EIF4G3: variants seen among roughly 807,000 people sequenced by gnomAD.
EIF4G3 encodes eIF-4-gamma 3.
In EIF4G3, 34 loss-of-function variants were observed where a neutral mutation model predicts 186.4. That is an observed-to-expected ratio of 0.18 (90% CI 0.14 to 0.24). The LOEUF (loss-of-function observed/expected upper bound fraction) is 0.24. Among genes scored for constraint, EIF4G3 ranks in the 10% least tolerant of loss-of-function variants. The probability of loss-of-function intolerance (pLI) is 1.00; values close to 1 mark genes in which losing one functional copy is unlikely to be tolerated. For synonymous variants in EIF4G3, 673 were observed against 679.5 expected (o/e 0.99, Z 0.15); for missense variants, 1,536 against 1,948.5 (o/e 0.79, Z 3.99).
intron 4 of EIF4G3, among the ~76,000 whole-genome samples, chr1:21,007,642 G>C (rs2085652428): frequency 6.7e-6 from 1 of 149,942 alleles, no homozygotes; most frequent in Admixed American, 6.7e-5. Context: ...TCTTTAGAAT[G>C]AATCAAGTCA....
chr1:20,875,548 G>T (rs1355707468), intron 20 of EIF4G3, among the ~76,000 whole-genome samples: 3 of 152,130 alleles, frequency 2.0e-5, no homozygotes, highest in South Asian at 2.1e-4. Context: ...AACAAATGAA[G>T]AATTTCAACC....
chr1:20,839,148 T>G (rs2067659120), intron 30 of EIF4G3, among the ~76,000 whole-genome samples: 1 of 152,158 alleles, frequency 6.6e-6, no homozygotes, highest in African/African-American at 2.4e-5. Context: ...CGGCTAATTT[T>G]TTGTATTTTT....
At chr1:20,976,614 A>G (rs2076914982) in intron 10 of EIF4G3, among the ~76,000 whole-genome samples, 1 of 152,248 alleles carries the variant, frequency 6.6e-6, no homozygotes, top group African/African-American at 2.4e-5. Flanking sequence ...ACCTCAGCAC[A>G]ATATCTAACA....
chr1:20,975,394 A>C lies in EIF4G3; in HGVS notation c.494-2295T>G, dbSNP rs72652988. On this transcript the variant is annotated intron_variant, in intron 10 of 36. Transcript: ENST00000602326. Reference sequence around the variant, plus strand: ...TTAAAAAAAACAAAAAACAAAAAAAAAAAAAACCTGGATTCTTCTCATGAA... The same window carrying C: ...TTAAAAAAAACAAAAAACAAAAAAACAAAAAACCTGGATTCTTCTCATGAA... 7.0e-3 allele frequency among the ~76,000 whole-genome samples: 1,056 copies of C among 151,910 alleles called. 4 individuals are homozygous for C. Among genetic ancestry groups the C allele is most frequent in the Middle Eastern group, 0.017 (5 of 294 alleles).
Position 20,849,548 on chromosome 1 carries a change from CA to C in EIF4G3, c.3773-19del, listed in dbSNP as rs36081795. 28 of 1,273,308 alleles carry C rather than the reference CA, an allele frequency of 2.2e-5. No homozygotes were observed. The highest frequency in any genetic ancestry group is 5.1e-5 in the East Asian group (2 of 39,218). The allele number at this position is 1,273,308 out of a possible 1,614,324, so 78.9% of individuals were successfully genotyped here. On this transcript the variant is annotated intron_variant, in intron 28 of 36. Transcript: ENST00000602326. ...TGGTTTTGCTATTAGTGAGGCCCCCCAAAAAAAGTAAAAATAATAAAAATTA... is the reference window on the plus strand; with the variant it reads ...TGGTTTTGCTATTAGTGAGGCCCCCCAAAAAAGTAAAAATAATAAAAATTA...
chr1:20,918,660 T>C (rs1161721534), intron 14 of EIF4G3, among the ~76,000 whole-genome samples: 2 of 152,030 alleles, frequency 1.3e-5, no homozygotes, highest in African/African-American at 4.8e-5. Context: ...TTTTTGCTAT[T>C]TTTCTTACCA....
chr1:20,851,116 G>A (rs777949315), intron 28 of EIF4G3, 142 bp downstream of exon 28: 8 of 710,614 alleles, frequency 1.1e-5, no homozygotes, highest in African/African-American at 1.8e-5. Flanking sequence ...ATAAAACTAT[G>A]AAGTACCCTT....
intron 12 of EIF4G3, 135 bp downstream of exon 12, chr1:20,969,339 A>G (rs1329033707): frequency 1.0e-6 from 1 of 1,001,640 alleles, no homozygotes; most frequent in African/African-American, 1.6e-5. Context: ...GTCTGTTTAA[A>G]TACCATTTAG....
intron 20 of EIF4G3, among the ~76,000 whole-genome samples, chr1:20,867,089 C>A (rs2077722334): frequency 6.6e-6 from 1 of 152,152 alleles, no homozygotes; most frequent in South Asian, 2.1e-4. Flanking sequence ...GGTTAAGTAT[C>A]AAAAGTTTTG....
At chr1:20,867,325 T>C (rs79206705) in intron 20 of EIF4G3, among the ~76,000 whole-genome samples, 22 of 152,312 alleles carry the variant, frequency 1.4e-4, no homozygotes, top group African/African-American at 5.1e-4. Flanking sequence ...TAATCTACTA[T>C]GTAAATTTGA....
At chr1:20,906,614 C>T (rs1377691829) in intron 14 of EIF4G3, among the ~76,000 whole-genome samples, 1 of 151,800 alleles carries the variant, frequency 6.6e-6, no homozygotes, top group Non-Finnish European at 1.5e-5. Flanking sequence ...AAACATGAAA[C>T]AAAATATTTC....
intron 14 of EIF4G3, among the ~76,000 whole-genome samples, chr1:20,936,472 C>A (rs2095520130): frequency 6.6e-6 from 1 of 152,104 alleles, no homozygotes; most frequent in African/African-American, 2.4e-5. Context: ...TATAAGGATG[C>A]ATAGTAGTAT....
intron 3 of EIF4G3, among the ~76,000 whole-genome samples, chr1:21,068,431 A>G (rs1189523214): frequency 1.3e-5 from 2 of 151,092 alleles, no homozygotes; most frequent in African/African-American, 2.4e-5. Context: ...TGTAGATTCA[A>G]AACAGACCTG....
intron 18 of EIF4G3, 117 bp from the exon 19 acceptor site, chr1:20,886,488 AG>A: frequency 7.6e-6 from 7 of 920,674 alleles, no homozygotes; most frequent in Non-Finnish European, 1.1e-5. Flanking sequence ...ATTGGGTACT[AG>A]GTACTCAAAC....
chr1:20,819,519 A>C (rs1372160113), intron 33 of EIF4G3, among the ~76,000 whole-genome samples: 1 of 151,914 alleles, frequency 6.6e-6, no homozygotes, highest in Non-Finnish European at 1.5e-5. Flanking sequence ...GTGCAATGGC[A>C]CTATCATGGC....
chr1:21,007,923 T>C (rs1391915704), intron 4 of EIF4G3, among the ~76,000 whole-genome samples: 1 of 152,208 alleles, frequency 6.6e-6, no homozygotes, highest in Non-Finnish European at 1.5e-5. Context: ...CAATGTTCAG[T>C]AGGATTATTT....
chr1:20,925,066 A>T (rs1231295838), intron 14 of EIF4G3, among the ~76,000 whole-genome samples: 4 of 152,206 alleles, frequency 2.6e-5, no homozygotes, highest in African/African-American at 7.2e-5. Flanking sequence ...AGTATTTCCT[A>T]CTTATCCTCA....
chr1:20,893,396 C>A (rs1292665532), intron 18 of EIF4G3, 121 bp downstream of exon 18: 2 of 1,099,256 alleles, frequency 1.8e-6, no homozygotes, highest in Non-Finnish European at 2.5e-6. Context: ...ATAGTCTTTG[C>A]CTCTTCTTCT....
chr1:20,973,197 G>T, intron 10 of EIF4G3, 98 bp from the exon 11 acceptor site: 1 of 854,332 alleles, frequency 1.2e-6, no homozygotes, highest in Non-Finnish European at 1.8e-6. Flanking sequence ...CCCTTAAAAG[G>T]GTAAAAACAA....
Sources: allele counts gnomAD v4.1 joint callset (sites outside exome capture counted in the v4.1 genomes callset), GRCh38; gene constraint gnomAD v4.1.1; transcripts MANE v1.5; gene names NCBI Gene and HGNC (gene_info 2026-07-23, HGNC 2026-07-21).